The following PPP1R12A variants were observed in gnomAD, a reference collection of about 807,000 sequenced individuals.
The protein encoded by PPP1R12A is protein phosphatase 1 regulatory subunit 12A.
A neutral mutation model predicts 139.6 loss-of-function variants in PPP1R12A; 19 were observed. The ratio of observed to expected loss-of-function variants is 0.14; its 90% CI spans 0.09 to 0.20. The LOEUF is 0.20. Ranked by LOEUF, PPP1R12A falls within the 10% of genes least tolerant of loss-of-function variation. The probability of loss-of-function intolerance (pLI) is 1.00; values close to 1 mark genes in which losing one functional copy is unlikely to be tolerated. For synonymous variants in PPP1R12A, 427 were observed against 420.6 expected, an observed-to-expected ratio of 1.02 and a Z score of -0.19; for missense variants, 925 against 1,211.5, an observed-to-expected ratio of 0.76 and a Z score of 3.51.
At chr12:79,885,907 G>T (rs1279568567) in intron 1 of PPP1R12A, among the ~76,000 whole-genome samples, 1 of 151,988 alleles carries the variant, frequency 6.6e-6, no homozygotes, top group East Asian at 1.9e-4. Flanking sequence ...TGTTGCCCAG[G>T]CTGGTCTAGA....
At position 79,872,042 on chromosome 12, in the gene PPP1R12A, G is replaced by A. The variant is rs77820760; in HGVS notation, c.368+766C>T. Among the ~76,000 whole-genome samples the A allele has an allele frequency of 4.7e-3, 721 of 152,110 alleles. 18 individuals carry two copies. The highest frequency in any genetic ancestry group is 0.036 in the Admixed American group (553 of 15,274). On this transcript the variant is annotated intron_variant, in intron 2 of 24. Coordinates refer to ENST00000450142, the MANE Select transcript of PPP1R12A (RefSeq NM_002480.3). ...GTTTCTGCCTTGAAATTGAGATATT[G>A]TATCTCCAGCACAAATGGGGAAAAA...
chr12:79,868,090 A>C (rs890639071), intron 2 of PPP1R12A, among the ~76,000 whole-genome samples: 3 of 152,192 alleles, frequency 2.0e-5, no homozygotes, highest in African/African-American at 7.2e-5. Context: ...CTAATAAATA[A>C]AAAAGAATGA....
Position 79,859,707 on chromosome 12 carries a change from C to A in PPP1R12A, c.368+13101G>T, listed in dbSNP as rs1198547082. Among the ~76,000 whole-genome samples, 3 of 152,108 alleles carry A rather than the reference C, an allele frequency of 2.0e-5. No homozygotes were observed. The South Asian group carries it at 6.2e-4, about 32-fold the overall frequency. Reference sequence around the variant, plus strand: ...ATCACTTGAGGTCAGGAGTTTGAGACCACCCCGGAAAACACAGCGAGACTC... The same window carrying A: ...ATCACTTGAGGTCAGGAGTTTGAGAACACCCCGGAAAACACAGCGAGACTC... On this transcript the variant is annotated intron_variant, in intron 2 of 24. Transcript: ENST00000450142.
chr12:79,909,869 A>G (rs1196945585), intron 1 of PPP1R12A, among the ~76,000 whole-genome samples: 5 of 151,816 alleles, frequency 3.3e-5, no homozygotes, highest in Non-Finnish European at 7.4e-5. Flanking sequence ...TATCCGGCTA[A>G]TTTTTGTATT....
At chr12:79,934,673 G>A in intron 1 of PPP1R12A, 22 bp downstream of exon 1, 1 of 1,506,892 alleles carries the variant, frequency 6.6e-7, no homozygotes, top group Non-Finnish European at 8.9e-7. Flanking sequence ...GGTCAGGAGA[G>A]CCGGCGGCGG....
chr12:79,814,476 C>CAAAA (rs35276065), intron 9 of PPP1R12A, among the ~76,000 whole-genome samples: 1 of 68,096 alleles, frequency 1.5e-5, no homozygotes, highest in South Asian at 7.0e-4. Context: ...GACTCCATCT[C>CAAAA]AAAAAAAAAA....
chr12:79,790,551 T>C (rs1046032103), intron 19 of PPP1R12A, 68 bp from the exon 20 acceptor site: 10 of 1,144,734 alleles, frequency 8.7e-6, no homozygotes, highest in Non-Finnish European at 1.1e-5. Flanking sequence ...TAACCTATGA[T>C]TATAAGTAAA....
chr12:79,844,093 T>C (rs1454456142), intron 3 of PPP1R12A, among the ~76,000 whole-genome samples: 4 of 152,062 alleles, frequency 2.6e-5, no homozygotes, highest in Non-Finnish European at 4.4e-5. Flanking sequence ...ATTTAAAGTG[T>C]AGAATTCAAT....
intron 24 of PPP1R12A, 31 bp downstream of exon 24, chr12:79,778,519 C>A: frequency 7.1e-7 from 1 of 1,408,884 alleles, no homozygotes; most frequent in Non-Finnish European, 9.6e-7. Flanking sequence ...ATAAACAGCA[C>A]TCTCTCTCAT....
chr12:79,853,858 T>C (rs118000013), intron 2 of PPP1R12A, among the ~76,000 whole-genome samples: 9 of 152,232 alleles, frequency 5.9e-5, no homozygotes, highest in African/African-American at 7.2e-5. Flanking sequence ...TTTAATGTCA[T>C]TGAAATCTTT....
At chr12:79,903,916 A>G (rs1056677893) in intron 1 of PPP1R12A, among the ~76,000 whole-genome samples, 21 of 152,232 alleles carry the variant, frequency 1.4e-4, no homozygotes, top group African/African-American at 4.8e-4. Context: ...CACATTAGAT[A>G]TCTTCCTTGA....
At chr12:79,776,141 T>C in intron 24 of PPP1R12A, 126 bp from the exon 25 acceptor site, 1 of 550,710 alleles carries the variant, frequency 1.8e-6, no homozygotes, top group Non-Finnish European at 3.0e-6. Context: ...TATATATTTC[T>C]AGTATCTAAA....
chr12:79,927,685 T>C (rs1887948642), intron 1 of PPP1R12A, among the ~76,000 whole-genome samples: 1 of 152,242 alleles, frequency 6.6e-6, no homozygotes, highest in Non-Finnish European at 1.5e-5. Flanking sequence ...AGCTCTGCCA[T>C]TTATTTTCTT....
intron 9 of PPP1R12A, among the ~76,000 whole-genome samples, chr12:79,811,896 T>TC (rs530460698): frequency 1.3e-5 from 2 of 152,106 alleles, no homozygotes; most frequent in African/African-American, 4.8e-5. Context: ...AAACGTTTTT[T>TC]CCCCCATTAT....
At chr12:79,915,655 CTTA>C (rs2136927091) in intron 1 of PPP1R12A, among the ~76,000 whole-genome samples, 1 of 152,202 alleles carries the variant, frequency 6.6e-6, no homozygotes, top group South Asian at 2.1e-4. Context: ...ATCTTTTCAT[CTTA>C]TTATTTAAAA....
intron 3 of PPP1R12A, 91 bp from the exon 4 acceptor site, chr12:79,832,582 AAAATT>A: frequency 7.6e-7 from 1 of 1,316,088 alleles, no homozygotes; most frequent in East Asian, 2.5e-5. Context: ...AAGTTTAAAT[AAAATT>A]AAAAGTGAAA....
intron 5 of PPP1R12A, among the ~76,000 whole-genome samples, chr12:79,826,766 A>G (rs1467818236): frequency 6.6e-6 from 1 of 152,200 alleles, no homozygotes; most frequent in Non-Finnish European, 1.5e-5. Context: ...GTTTCACTAG[A>G]ATACTGATTC....
chr12:79,838,290 T>C (rs1227475956), intron 3 of PPP1R12A, among the ~76,000 whole-genome samples: 1 of 152,206 alleles, frequency 6.6e-6, no homozygotes, highest in Non-Finnish European at 1.5e-5. Flanking sequence ...TTAGGGTATC[T>C]GATGAAAGAA....
chr12:79,803,247 C>T (rs1873412840), intron 14 of PPP1R12A, among the ~76,000 whole-genome samples: 1 of 152,168 alleles, frequency 6.6e-6, no homozygotes, highest in African/African-American at 2.4e-5. Context: ...CCTTTCTCCT[C>T]CTTTGGGGTA....
Sources: gnomAD v4.1 joint callset for allele counts (sites outside exome capture counted in the v4.1 genomes callset) on GRCh38, gnomAD v4.1.1 for gene constraint, MANE v1.5 for transcripts, NCBI Gene and HGNC (gene_info 2026-07-23, HGNC 2026-07-21) for gene names.